LRRC9: variants seen among roughly 807,000 people sequenced by gnomAD.
LRRC9 encodes leucine-rich repeat-containing protein 9.
Under a neutral mutation model 63.2 loss-of-function variants are expected in LRRC9, and 122 were observed. The ratio of observed to expected loss-of-function variants is 1.93; its 90% CI spans 1.67 to 2.24. LRRC9 has a LOEUF of 2.24. Among genes scored for constraint, LRRC9 ranks in the 30% most tolerant of loss-of-function variants. The pLI, the probability that LRRC9 is intolerant of heterozygous loss-of-function variation, is 0.00. For synonymous variants in LRRC9, 366 were observed against 213.1 expected (o/e 1.72, Z -6.25); for missense variants, 1,071 against 627.7 (o/e 1.71, Z -7.55).
In LRRC9 at chr14:59,924,411, A is replaced by G. The variant is rs958551639; in HGVS notation, c.-33-3500A>G. 3.3e-5 allele frequency among the ~76,000 whole-genome samples: 5 copies of G among 152,272 alleles called. 1 individual carries two copies. The highest frequency in any genetic ancestry group is 9.6e-5 in the African/African-American group (4 of 41,560). On this transcript the variant is annotated intron_variant, in intron 1 of 31. Coordinates refer to ENST00000445360, the Ensembl canonical transcript of LRRC9. ...GGCTTCTCTTGCAGCCTATGCTGTA[A>G]TATCCTGAGGTTGTCCAAGAATGGA...
intron 27 of LRRC9, among the ~76,000 whole-genome samples, chr14:60,023,536 T>G (rs1242624534): frequency 1.3e-4 from 8 of 60,676 alleles, no homozygotes; most frequent in Non-Finnish European, 4.8e-4. Context: ...AATATGCACT[T>G]TTCTAAGAGT....
chr14:59,927,262 G>T lies in LRRC9; in HGVS notation c.-33-649G>T, dbSNP rs1015305842. Among the ~76,000 whole-genome samples, 4 of 151,880 alleles carry T rather than the reference G, an allele frequency of 2.6e-5. No individual in the cohort carries two copies. The highest frequency in any genetic ancestry group is 5.9e-5 in the Non-Finnish European group (4 of 67,912). On this transcript the variant is annotated intron_variant, in intron 1 of 31. Coordinates refer to ENST00000445360, the Ensembl canonical transcript of LRRC9. This position sits in a 1 kb window ranked among gnomAD's most constrained non-coding sequence, Gnocchi z 4.4. ...TGTCAGTTCATTATATTAAAGGCAG[G>T]ATTCTTATATTTTTTAGATAGTATG...
At position 60,053,762 on chromosome 14, in the gene LRRC9, G is replaced by A. The variant is rs1340569719; in HGVS notation, c.4131+557G>A. ...CATGGTAGGAAAGAGATTAAAAAGG[G>A]AAGAAATAATAAAAGCATGTCATTT... On this transcript the variant is annotated intron_variant, in intron 30 of 31. Coordinates refer to ENST00000445360, the Ensembl canonical transcript of LRRC9. This position sits in a 1 kb window ranked among gnomAD's most constrained non-coding sequence, Gnocchi z 4.8. 8.3e-6 allele frequency: 3 copies of A among 363,426 alleles called. No homozygotes were observed. Among genetic ancestry groups the A allele is most frequent in the South Asian group, 6.6e-5 (3 of 45,686 alleles). 22.5% of individuals were successfully genotyped at this position (363,426 alleles called of 1,614,324 possible). A position where few individuals can be genotyped will look rare whatever the true frequency, so the allele number is the denominator to read the frequency against.
At chr14:60,029,628 G>A (rs1891832808) in intron 28 of LRRC9, among the ~76,000 whole-genome samples, 1 of 152,068 alleles carries the variant, frequency 6.6e-6, no homozygotes, top group African/African-American at 2.4e-5. Flanking sequence ...TTTTCCACAA[G>A]AGTGTCCCTG....
At chr14:60,024,137 T>G (rs762824493) in intron 27 of LRRC9, among the ~76,000 whole-genome samples, 5 of 152,100 alleles carry the variant, frequency 3.3e-5, no homozygotes, top group Non-Finnish European at 7.4e-5. Flanking sequence ...GCAGAATGAT[T>G]TATAATCCTT....
Position 60,053,381 on chromosome 14 carries a change from GCTCA to G in LRRC9, c.4131+178_4131+181del, listed in dbSNP as rs1426100979. ...TGGATTTGGTGAATAGAGCATGCGT[GCTCA>G]CACACACACACACACACACACACAC... On this transcript the variant is annotated intron_variant, in intron 30 of 31. Coordinates refer to ENST00000445360, the Ensembl canonical transcript of LRRC9. The surrounding 1 kb of genome is among the most constrained non-coding windows in gnomAD (Gnocchi z 4.8). Among the ~76,000 whole-genome samples, 272 of 73,272 alleles carry G rather than the reference GCTCA, an allele frequency of 3.7e-3. 7 individuals carry two copies. The East Asian group carries it at 0.06, about 16-fold the overall frequency. The allele number at this position is 73,272 out of a possible 152,430, so 48.1% of individuals were successfully genotyped here.
intron 29 of LRRC9, among the ~76,000 whole-genome samples, chr14:60,048,603 C>T (rs1441904282): frequency 6.6e-6 from 1 of 152,014 alleles, no homozygotes; most frequent in Non-Finnish European, 1.5e-5. Context: ...GAAATTGAAT[C>T]CCTGAATAGG....
Position 59,962,467 on chromosome 14 carries a change from G to A in LRRC9, c.1211+1422G>A, listed in dbSNP as rs886265593. On this transcript the variant is annotated intron_variant, in intron 10 of 31. Transcript: ENST00000445360. The surrounding 1 kb of genome is among the most constrained non-coding windows in gnomAD (Gnocchi z 5.1). The stretch of plus-strand genomic sequence containing the variant: ...CCCCGAGACTGGAGTGCAGTGGCCC[G>A]ATCTCAGCTCGCTGCAACCTCTGCC... 1.1e-4 allele frequency among the ~76,000 whole-genome samples: 17 copies of A among 151,574 alleles called. No individual in the cohort carries two copies. The highest frequency in any genetic ancestry group is 6.6e-4 in the Admixed American group (10 of 15,234).
Position 60,032,071 on chromosome 14 carries a change from T to C in LRRC9, c.3990+8T>C. ...ACAGTGTATGGCAATCCAGTGAGTA[T>C]GTTACCATTCTAATTTATTAGTTAA... On this transcript the variant is annotated splice_region_variant and intron_variant, in intron 29 of 31. Coordinates refer to ENST00000445360, the Ensembl canonical transcript of LRRC9. 1.5e-6 allele frequency: 1 copy of C among 687,522 alleles called. No homozygotes were observed. The highest frequency in any genetic ancestry group is 2.6e-6 in the Non-Finnish European group (1 of 379,068). 42.6% of individuals were successfully genotyped at this position (687,522 alleles called of 1,614,324 possible).
intron 30 of LRRC9, among the ~76,000 whole-genome samples, chr14:60,054,643 T>C (rs1244260113): frequency 6.6e-6 from 1 of 152,094 alleles, no homozygotes; most frequent in African/African-American, 2.4e-5. Context: ...AAATAAATAA[T>C]ACCAATCAAG....
At chr14:59,953,838 T>G (rs371915929) in intron 8 of LRRC9, among the ~76,000 whole-genome samples, 1 of 152,356 alleles carries the variant, frequency 6.6e-6, no homozygotes, top group African/African-American at 2.4e-5. Flanking sequence ...ACATTTTGTA[T>G]AAGGCTTAAG....
chr14:59,944,831 A>G, intron 8 of LRRC9, 87 bp downstream of exon 8: 1 of 549,268 alleles, frequency 1.8e-6, no homozygotes, highest in Non-Finnish European at 3.2e-6. Flanking sequence ...TAAATTATGT[A>G]TATACACACA....
chr14:60,064,685 A>G (rs1894838763), downstream of LRRC9, among the ~76,000 whole-genome samples: 1 of 152,210 alleles, frequency 6.6e-6, no homozygotes, highest in African/African-American at 2.4e-5. Context: ...TAAGATGTCC[A>G]GAAGATGTCT....
chr14:60,044,325 T>G (rs574908001), intron 29 of LRRC9, among the ~76,000 whole-genome samples: 1 of 152,246 alleles, frequency 6.6e-6, no homozygotes. Flanking sequence ...ATTTCTTTCC[T>G]TCTACTAATT....
intron 8 of LRRC9, among the ~76,000 whole-genome samples, chr14:59,945,315 T>A (rs1486257572): frequency 6.6e-6 from 1 of 152,008 alleles, no homozygotes; most frequent in Non-Finnish European, 1.5e-5. Context: ...CAAAACGGAA[T>A]CTTGTATATA....
rs1167697959 is a variant in LRRC9 at position 60,058,111 on chromosome 14, C to T, written c.4276+89C>T. ...TAATTTCTAATAGTACTTAAAATTCCTTGTTTTTAACTTACATTTCCTAAA... is the reference window on the plus strand; with the variant it reads ...TAATTTCTAATAGTACTTAAAATTCTTTGTTTTTAACTTACATTTCCTAAA... On this transcript the variant is annotated intron_variant, in intron 31 of 31. Transcript: ENST00000445360. This position sits in a 1 kb window ranked among gnomAD's most constrained non-coding sequence, Gnocchi z 4.4. The T allele has an allele frequency of 2.2e-6, 1 of 458,402 alleles. No homozygotes were observed. The highest frequency in any genetic ancestry group is 1.9e-5 in the African/African-American group (1 of 51,754). The allele number at this position is 458,402 out of a possible 1,614,324, so 28.4% of individuals were successfully genotyped here.
At chr14:60,000,250 C>T (rs887424828) in intron 19 of LRRC9, among the ~76,000 whole-genome samples, 10 of 152,034 alleles carry the variant, frequency 6.6e-5, no homozygotes, top group African/African-American at 1.9e-4. Flanking sequence ...ATTGGGTACA[C>T]ATGGACATAA....
intron 23 of LRRC9, among the ~76,000 whole-genome samples, chr14:60,012,783 T>C (rs1299276164): frequency 6.6e-6 from 1 of 152,188 alleles, no homozygotes; most frequent in Admixed American, 6.5e-5. Flanking sequence ...AAATACTGAC[T>C]GACTCTTTAC....
At chr14:60,055,242 T>A (rs2140447709) in intron 30 of LRRC9, among the ~76,000 whole-genome samples, 1 of 152,350 alleles carries the variant, frequency 6.6e-6, no homozygotes, top group African/African-American at 2.4e-5. Context: ...ATCTACAAAT[T>A]TTTTTCTAAA....
Sources: allele counts gnomAD v4.1 joint callset (sites outside exome capture counted in the v4.1 genomes callset), GRCh38; gene constraint gnomAD v4.1.1; non-coding constraint Gnocchi (gnomAD v3.1); transcripts MANE v1.5; gene names NCBI Gene and HGNC (gene_info 2026-07-23, HGNC 2026-07-21).